The following JMJD1C variants were observed in gnomAD, a reference collection of about 807,000 sequenced individuals.
JMJD1C encodes the protein jumonji domain-containing protein 1C.
A neutral mutation model predicts 245.3 loss-of-function variants in JMJD1C; 31 were observed. The ratio of observed to expected loss-of-function variants is 0.13; its 90% confidence interval spans 0.09 to 0.17. The LOEUF (loss-of-function observed/expected upper bound fraction) is 0.17, where lower values mean the gene tolerates loss of function less well. Ranked by LOEUF, JMJD1C falls within the 10% of genes least tolerant of loss-of-function variation. The pLI is 1.00. For synonymous variants in JMJD1C, 1,057 were observed against 1,017.4 expected, an observed-to-expected ratio of 1.04 and a Z score of -0.74; for missense variants, 2,691 against 3,000.2, an observed-to-expected ratio of 0.90 and a Z score of 2.41.
chr10:63,268,961 G>A (rs1237025061), intron 2 of JMJD1C: 4 of 985,560 alleles, frequency 4.1e-6, no homozygotes, highest in East Asian at 2.3e-4. Flanking sequence ...GCTCAGCCCT[G>A]GCAGTGATGA....
intron 22 of JMJD1C, among the ~76,000 whole-genome samples, chr10:63,178,431 G>C (rs1231397661): frequency 1.3e-5 from 2 of 152,106 alleles, no homozygotes; most frequent in Non-Finnish European, 2.9e-5. Context: ...GTTCCAAGGG[G>C]GTGGTCCTAA....
chr10:63,201,037 A>G (rs1402920337), intron 10 of JMJD1C, among the ~76,000 whole-genome samples: 3 of 152,208 alleles, frequency 2.0e-5, no homozygotes, highest in Non-Finnish European at 2.9e-5. Flanking sequence ...GTCCTTCTAT[A>G]CCAAAAGTTG....
At chr10:63,364,672 A>T (rs1261025115) in intron 2 of JMJD1C, among the ~76,000 whole-genome samples, 1 of 152,028 alleles carries the variant, frequency 6.6e-6, no homozygotes, top group Non-Finnish European at 1.5e-5. Context: ...TTTTTTGTAG[A>T]GATGGGGTTT....
chr10:63,515,614 A>T (rs190431472), intron 1 of JMJD1C, among the ~76,000 whole-genome samples: 1 of 152,322 alleles, frequency 6.6e-6, no homozygotes, highest in East Asian at 1.9e-4. Context: ...CTCTGTATCC[A>T]GCTGTCTGTC....
chr10:63,432,335 C>G (rs1387402049), intron 1 of JMJD1C, among the ~76,000 whole-genome samples: 1 of 152,200 alleles, frequency 6.6e-6, no homozygotes, highest in African/African-American at 2.4e-5. Flanking sequence ...TTGGGACTAT[C>G]CCTAGTGTCC....
At chr10:63,389,752 G>A (rs1947907629) in intron 1 of JMJD1C, among the ~76,000 whole-genome samples, 1 of 152,090 alleles carries the variant, frequency 6.6e-6, no homozygotes. Flanking sequence ...TTTGGGAAGT[G>A]TACGAATACA....
intron 3 of JMJD1C, among the ~76,000 whole-genome samples, chr10:63,232,630 T>A (rs1363482506): frequency 5.9e-5 from 9 of 151,990 alleles, no homozygotes; most frequent in Non-Finnish European, 1.0e-4. Flanking sequence ...CCTTGGAACA[T>A]CCATTTGGCA....
intron 2 of JMJD1C, among the ~76,000 whole-genome samples, chr10:63,369,289 GCAC>G (rs1946105683): frequency 6.6e-6 from 1 of 151,814 alleles, no homozygotes; most frequent in South Asian, 2.1e-4. Context: ...TTATGGAAGT[GCAC>G]CACCACACCT....
At chr10:63,397,328 C>T (rs1315452141) in intron 1 of JMJD1C, among the ~76,000 whole-genome samples, 1 of 152,112 alleles carries the variant, frequency 6.6e-6, no homozygotes, top group East Asian at 1.9e-4. Flanking sequence ...ATTCTCCTGC[C>T]TCAGCCCCCC....
At chr10:63,328,077 C>G (rs1215602763) in intron 2 of JMJD1C, among the ~76,000 whole-genome samples, 1 of 152,012 alleles carries the variant, frequency 6.6e-6, no homozygotes, top group Admixed American at 6.6e-5. Context: ...GAGTTTGAGG[C>G]CAGCCTGGCC....
rs191530817 is a variant in JMJD1C at position 63,368,817 on chromosome 10, G to A, written c.333+11501C>T. ...TTTTCCTGCCTCAGCCTCCCAAGTA[G>A]CTGGGACTACAGTAGAGACAGGGTT... On this transcript the variant is annotated intron_variant, in intron 2 of 25. Coordinates refer to ENST00000399262, the MANE Select transcript of JMJD1C (RefSeq NM_032776.3). Among the ~76,000 whole-genome samples the A allele has an allele frequency of 6.8e-3, 1,038 of 152,114 alleles. 21 individuals carry two copies. Among genetic ancestry groups the A allele is most frequent in the African/African-American group, 0.024 (976 of 41,504 alleles).
intron 1 of JMJD1C, among the ~76,000 whole-genome samples, chr10:63,401,790 T>G (rs9415705): frequency 0.14 from 21,401 of 151,848 alleles, 2,209 homozygotes; most frequent in East Asian, 0.35. Context: ...CGTTCAGGAG[T>G]TGACTAACAC....
chr10:63,459,062 C>A (rs183789227), intron 1 of JMJD1C, among the ~76,000 whole-genome samples: 22 of 152,240 alleles, frequency 1.4e-4, no homozygotes, highest in African/African-American at 5.1e-4. Flanking sequence ...TAATATAGTA[C>A]AAGTCCTTAC....
intron 24 of JMJD1C, among the ~76,000 whole-genome samples, chr10:63,174,749 G>A (rs893570267): frequency 2.0e-4 from 30 of 151,980 alleles, no homozygotes; most frequent in African/African-American, 6.0e-4. Flanking sequence ...CAGGAGAATC[G>A]CTTGAACCCG....
At chr10:63,203,084 T>C (rs929318391) in intron 10 of JMJD1C, 10 of 985,036 alleles carry the variant, frequency 1.0e-5, no homozygotes, top group Non-Finnish European at 1.1e-5. Context: ...TAGAGCTTTT[T>C]TTCAATAAAA....
At chr10:63,521,624 A>G in intron 1 of JMJD1C, 3 of 1,333,240 alleles carry the variant, frequency 2.3e-6, no homozygotes, top group Non-Finnish European at 3.0e-6. Flanking sequence ...GGCCCAGGGG[A>G]GCTGTGGGAA....
At chr10:63,505,059 C>T (rs1304123662) in intron 1 of JMJD1C, among the ~76,000 whole-genome samples, 2 of 152,050 alleles carry the variant, frequency 1.3e-5, no homozygotes, top group African/African-American at 4.8e-5. Flanking sequence ...ACGCCTATAA[C>T]CCCAGCACTT....
At chr10:63,311,274 G>C (rs1939157411) in intron 2 of JMJD1C, among the ~76,000 whole-genome samples, 1 of 151,918 alleles carries the variant, frequency 6.6e-6, no homozygotes, top group Admixed American at 6.6e-5. Flanking sequence ...AGCTACTCGG[G>C]AGACTGAGGC....
rs149212976 is a variant in JMJD1C, at chr10:63,433,505, T to C, written c.168+31990A>G. 2.6e-3 allele frequency among the ~76,000 whole-genome samples: 402 copies of C among 152,028 alleles called. 2 individuals are homozygous for C. The highest frequency in any genetic ancestry group is 4.9e-3 in the Non-Finnish European group (333 of 67,986). ...ATTCAATTACGTCATTCACAAACCA[T>C]GATGATAATATTCATATCTCCTCAA... On this transcript the variant is annotated intron_variant, in intron 1 of 25. Coordinates refer to ENST00000399262, the MANE Select transcript of JMJD1C (RefSeq NM_032776.3).
Sources: allele counts gnomAD v4.1 joint callset (sites outside exome capture counted in the v4.1 genomes callset), GRCh38; gene constraint gnomAD v4.1.1; transcripts MANE v1.5; gene names NCBI Gene and HGNC (gene_info 2026-07-23, HGNC 2026-07-21).